Variants in SNTG1 observed in about 807,000 individuals in gnomAD.
SNTG1 encodes syntrophin gamma 1, also known as gamma-1-syntrophin.
Under a neutral mutation model 74.7 loss-of-function variants are expected in SNTG1, and 39 were observed. The observed-to-expected ratio is 0.52, with a 90% CI of 0.40 to 0.68. The LOEUF (loss-of-function observed/expected upper bound fraction) is 0.68. SNTG1 is among the 30% of genes least tolerant of loss of function. The probability of loss-of-function intolerance (pLI) is 0.00; values close to 1 mark genes in which losing one functional copy is unlikely to be tolerated. For synonymous variants in SNTG1, 254 were observed against 217.1 expected, an observed-to-expected ratio of 1.17 and a Z score of -1.49; for missense variants, 685 against 609.5, an observed-to-expected ratio of 1.12 and a Z score of -1.30.
chr8:50,527,499 ATG>A (rs952014671), intron 9 of SNTG1, among the ~76,000 whole-genome samples: 15 of 152,024 alleles, frequency 9.9e-5, no homozygotes, highest in African/African-American at 2.9e-4. Context: ...AGAATCAATT[ATG>A]TGTGTGTGTA....
At chr8:50,683,651 A>C (rs1346715791) in intron 15 of SNTG1, among the ~76,000 whole-genome samples, 1 of 152,186 alleles carries the variant, frequency 6.6e-6, no homozygotes, top group East Asian at 1.9e-4. Context: ...CAAGTGACAC[A>C]AGTATTCCCT....
In SNTG1 at chr8:50,213,460, T is replaced by G. The variant is rs1487140353; in HGVS notation, c.-28+40825T>G. ...TGGCATATGAATAAATTCATGTGAG[T>G]TGATTTGAAAATAAACTATTTTGTC... On this transcript the variant is annotated intron_variant, in intron 2 of 18. Transcript: ENST00000642720. 4.6e-5 allele frequency among the ~76,000 whole-genome samples: 7 copies of G among 152,174 alleles called. 1 individual carries two copies. The highest frequency in any genetic ancestry group is 4.6e-4 in the Admixed American group (7 of 15,272).
chr8:50,305,010 C>T (rs28496647), intron 2 of SNTG1, among the ~76,000 whole-genome samples: 10,333 of 152,134 alleles, frequency 0.068, 814 homozygotes, highest in African/African-American at 0.17. Flanking sequence ...TCAAGCGATT[C>T]TCCTACCTCA....
At chr8:49,912,612 TAGAG>T (rs1351629384) in intron 1 of SNTG1, among the ~76,000 whole-genome samples, 1 of 152,194 alleles carries the variant, frequency 6.6e-6, no homozygotes, top group African/African-American at 2.4e-5. Context: ...AAAGTTAAAA[TAGAG>T]AGGGTTTAAC....
At chr8:49,927,346 C>T (rs577459867) in intron 1 of SNTG1, among the ~76,000 whole-genome samples, 29 of 152,164 alleles carry the variant, frequency 1.9e-4, no homozygotes, top group Non-Finnish European at 2.4e-4. Context: ...TGGAAGTAAT[C>T]AAAATATTCT....
intron 1 of SNTG1, among the ~76,000 whole-genome samples, chr8:50,096,739 T>A (rs2079942886): frequency 6.6e-6 from 1 of 152,182 alleles, no homozygotes; most frequent in Non-Finnish European, 1.5e-5. Flanking sequence ...TAAGTTTGTC[T>A]TTGTTTTTAG....
At chr8:50,178,039 G>T (rs1413828209) in intron 2 of SNTG1, among the ~76,000 whole-genome samples, 1 of 152,080 alleles carries the variant, frequency 6.6e-6, no homozygotes. Flanking sequence ...TCTCTTGGAG[G>T]TTTGATAGCT....
chr8:50,026,994 A>C (rs1817321957), intron 1 of SNTG1, among the ~76,000 whole-genome samples: 1 of 151,924 alleles, frequency 6.6e-6, no homozygotes, highest in African/African-American at 2.4e-5. Flanking sequence ...AGCCCATGTC[A>C]CTCATTTGCA....
At chr8:50,348,357 G>C (rs2091545312) in intron 2 of SNTG1, among the ~76,000 whole-genome samples, 1 of 152,126 alleles carries the variant, frequency 6.6e-6, no homozygotes, top group Admixed American at 6.5e-5. Context: ...AGTGCAACTG[G>C]ATTCTGTCCC....
intron 18 of SNTG1, among the ~76,000 whole-genome samples, chr8:50,777,319 A>G (rs1182048871): frequency 1.3e-5 from 2 of 149,110 alleles, no homozygotes; most frequent in African/African-American, 4.9e-5. Flanking sequence ...CTTTCTTACA[A>G]CTTTTATTCT....
chr8:50,762,110 T>C (rs2095600632), intron 18 of SNTG1, among the ~76,000 whole-genome samples: 1 of 150,802 alleles, frequency 6.6e-6, no homozygotes, highest in South Asian at 2.2e-4. Context: ...TCTGAGACAG[T>C]GAAGAAATTT....
chr8:50,094,637 C>T (rs895547594), intron 1 of SNTG1, among the ~76,000 whole-genome samples: 2 of 152,094 alleles, frequency 1.3e-5, no homozygotes, highest in Non-Finnish European at 2.9e-5. Context: ...CAGTGAGATG[C>T]CTTCACACCA....
chr8:50,183,603 C>T (rs577585618), intron 2 of SNTG1, among the ~76,000 whole-genome samples: 7 of 152,224 alleles, frequency 4.6e-5, no homozygotes, highest in Non-Finnish European at 5.9e-5. Context: ...ACCTTCCCAG[C>T]GTTTTTGCCT....
chr8:50,373,636 T>G (rs1315760730), intron 2 of SNTG1, among the ~76,000 whole-genome samples: 1 of 152,212 alleles, frequency 6.6e-6, no homozygotes, highest in South Asian at 2.1e-4. Flanking sequence ...ATTTAAGAAG[T>G]GCAGAGTTTA....
At chr8:50,367,572 A>G (rs2092149591) in intron 2 of SNTG1, among the ~76,000 whole-genome samples, 1 of 152,144 alleles carries the variant, frequency 6.6e-6, no homozygotes, top group Non-Finnish European at 1.5e-5. Flanking sequence ...AATACAGCAA[A>G]ATGTACTTAC....
At chr8:50,368,930 G>A (rs530503432) in intron 2 of SNTG1, among the ~76,000 whole-genome samples, 63 of 152,116 alleles carry the variant, frequency 4.1e-4, no homozygotes, top group Non-Finnish European at 7.2e-4. Context: ...TAACTTGTCC[G>A]TTTCACAGGC....
Position 50,386,483 on chromosome 8 carries a change from G to A in SNTG1, c.-27-7729G>A, listed in dbSNP as rs146817211. On this transcript the variant is annotated intron_variant, in intron 2 of 18. Transcript: ENST00000642720. ...CATACACCTGTGGTAGGGTATCAGC[G>A]TCCTTCTTTATGTGGCCCGACTTCC... 5.6e-3 allele frequency among the ~76,000 whole-genome samples: 845 copies of A among 151,316 alleles called. 13 individuals carry two copies. The highest frequency in any genetic ancestry group is 0.019 in the African/African-American group (796 of 41,392).
At chr8:50,161,784 C>T (rs1460318866) in intron 1 of SNTG1, among the ~76,000 whole-genome samples, 2 of 152,170 alleles carry the variant, frequency 1.3e-5, no homozygotes, top group African/African-American at 4.8e-5. Flanking sequence ...AAAAAAAAGT[C>T]ACCCAATCAA....
intron 1 of SNTG1, among the ~76,000 whole-genome samples, chr8:50,102,940 C>A (rs928097422): frequency 6.6e-6 from 1 of 150,964 alleles, no homozygotes; most frequent in African/African-American, 2.4e-5. Flanking sequence ...GGTACCAGTA[C>A]CATGCTGTTT....
Sources: gnomAD v4.1 joint callset for allele counts (sites outside exome capture counted in the v4.1 genomes callset) on GRCh38, gnomAD v4.1.1 for gene constraint, MANE v1.5 for transcripts, NCBI Gene and HGNC (gene_info 2026-07-23, HGNC 2026-07-21) for gene names.